Variants in ZFHX3 observed in about 807,000 individuals in gnomAD.
ZFHX3 encodes zinc finger homeobox 3, also known as zinc finger homeobox protein 3.
Under a neutral mutation model 279.1 loss-of-function variants are expected in ZFHX3, and 42 were observed. That is an observed-to-expected ratio of 0.15 (90% CI 0.12 to 0.19). The LOEUF is 0.19. ZFHX3 is among the 10% of genes least tolerant of loss of function. The pLI is 1.00. For synonymous variants in ZFHX3, 2,293 were observed against 1,957.8 expected (o/e 1.17, Z -4.52); for missense variants, 4,981 against 4,754.0 (o/e 1.05, Z -1.40).
intron 7 of ZFHX3, among the ~76,000 whole-genome samples, chr16:73,121,455 C>G (rs1966497983): frequency 1.3e-5 from 2 of 152,090 alleles, no homozygotes; most frequent in Non-Finnish European, 2.9e-5. Context: ...ATGGCTTGTA[C>G]TGTGTTTCTA....
chr16:72,832,734 G>A (rs972247184), intron 4 of ZFHX3, among the ~76,000 whole-genome samples: 1 of 152,012 alleles, frequency 6.6e-6, no homozygotes, highest in African/African-American at 2.4e-5. Flanking sequence ...GGACCTACAG[G>A]TGTCGCCCTC....
intron 2 of ZFHX3, among the ~76,000 whole-genome samples, chr16:73,551,416 C>T (rs570787139): frequency 8.5e-5 from 13 of 152,236 alleles, no homozygotes; most frequent in Admixed American, 6.5e-4. Flanking sequence ...AAGTAAATAT[C>T]TAATTAAAAA....
chr16:72,984,073 T>C (rs969752928), intron 1 of ZFHX3, among the ~76,000 whole-genome samples: 16 of 152,222 alleles, frequency 1.1e-4, no homozygotes, highest in African/African-American at 3.6e-4. Flanking sequence ...TTCTTGCCTA[T>C]ACCTGCTCAC....
intron 5 of ZFHX3, among the ~76,000 whole-genome samples, chr16:73,250,971 T>A (rs1175757305): frequency 6.6e-6 from 1 of 152,200 alleles, no homozygotes; most frequent in Non-Finnish European, 1.5e-5. Context: ...CAGCTCCTGG[T>A]CTCATCTGCA....
At chr16:73,770,977 A>G (rs2054011547) in intron 1 of ZFHX3, among the ~76,000 whole-genome samples, 1 of 152,194 alleles carries the variant, frequency 6.6e-6, no homozygotes, top group African/African-American at 2.4e-5. Flanking sequence ...GGGATTCAGG[A>G]GTCTGGTCTA....
rs1295305298 is a variant in ZFHX3, at chr16:72,811,969, C to T, written c.3599G>A (p.Gly1200Asp). 5 of 1,614,148 alleles carry T rather than the reference C, an allele frequency of 3.1e-6. No individual in the cohort carries two copies. Among genetic ancestry groups the T allele is most frequent in the East Asian group, 2.2e-5 (1 of 44,876 alleles). ...PATSKRISFP[G>D]SSESPLSSKR... ...CGAAGAGAGGGGAGACTCTGAGCTA[C>T]CTGGGAAGGAGATGCGTTTGGAGGT... is the stretch of plus-strand genomic sequence containing the variant. The change falls in exon 6 of 10, where the codon GGT (glycine) becomes GAT (aspartate). Residue 1200 changes from glycine to aspartate, a missense_variant. Gly to Asp is a moderately conservative substitution (Grantham distance 94). Coordinates refer to ENST00000268489, the MANE Select transcript of ZFHX3 (RefSeq NM_006885.4).
intron 2 of ZFHX3, among the ~76,000 whole-genome samples, chr16:73,475,414 A>G (rs2018748558): frequency 6.6e-6 from 1 of 152,308 alleles, no homozygotes; most frequent in South Asian, 2.1e-4. Context: ...TTAGCAGAAC[A>G]ATACTGTTTA....
At chr16:73,087,455 G>A (rs1427472248) in intron 8 of ZFHX3, among the ~76,000 whole-genome samples, 1 of 152,220 alleles carries the variant, frequency 6.6e-6, no homozygotes, top group African/African-American at 2.4e-5. Context: ...CTAGACAACA[G>A]ATATGTTTTC....
chr16:72,933,809 C>CTTTTT (rs1408711216), intron 3 of ZFHX3, among the ~76,000 whole-genome samples: 38 of 114,620 alleles, frequency 3.3e-4, no homozygotes, highest in African/African-American at 1.1e-3. Context: ...TAGCTCACAA[C>CTTTTT]TTTCTTTTTT....
chr16:73,255,079 G>T (rs909416366), intron 5 of ZFHX3, among the ~76,000 whole-genome samples: 1 of 152,210 alleles, frequency 6.6e-6, no homozygotes, highest in Non-Finnish European at 1.5e-5. Flanking sequence ...ATGCAATGAG[G>T]AATCAGGGTG....
At chr16:73,033,193 G>A (rs577286883) in intron 1 of ZFHX3, among the ~76,000 whole-genome samples, 1 of 152,140 alleles carries the variant, frequency 6.6e-6, no homozygotes, top group East Asian at 1.9e-4. Context: ...CCAGTACCCT[G>A]GAGCCCTGCC....
rs143777229 is a variant in ZFHX3 at position 72,788,797 on chromosome 16, G to C, written c.9479C>G (p.Pro3160Arg). 1 of 1,544,036 alleles carries C rather than the reference G, an allele frequency of 6.5e-7. No homozygotes were observed. The highest frequency in any genetic ancestry group is 8.7e-7 in the Non-Finnish European group (1 of 1,148,458). Residue 3160 changes from proline (P) to arginine (R), a missense_variant, in exon 10 of 10, where the codon CCT (proline) becomes CGT (arginine). This residue lies in a region of ZFHX3 where 1,034 missense variants were observed against 786.0 expected (regional missense o/e 1.32). Coordinates refer to ENST00000268489, the MANE Select transcript of ZFHX3 (RefSeq NM_006885.4). ...TCCAGAAGTGGGGAGGCCAGGGGAA[G>C]GAACAGTTGTGCTGGGCAGACCCAT... ...NLMGLPSTTV[P>R]SPGLPTSGLP...
intron 1 of ZFHX3, among the ~76,000 whole-genome samples, chr16:73,044,680 G>A (rs999707494): frequency 2.0e-5 from 3 of 152,158 alleles, no homozygotes; most frequent in African/African-American, 7.2e-5. Context: ...AGAATGCAAT[G>A]GCCCAATCTC....
chr16:73,404,978 G>T (rs556957658), intron 3 of ZFHX3, among the ~76,000 whole-genome samples: 75 of 152,234 alleles, frequency 4.9e-4, no homozygotes, highest in African/African-American at 1.8e-3. Flanking sequence ...ATCATCCTTA[G>T]ACCATTTGCA....
chr16:73,591,895 T>C (rs1290353180), intron 2 of ZFHX3, among the ~76,000 whole-genome samples: 2 of 150,638 alleles, frequency 1.3e-5, no homozygotes, highest in African/African-American at 4.8e-5. Context: ...TAATTATTGT[T>C]AATAATTTTT....
chr16:73,097,632 G>T (rs1966181314), intron 7 of ZFHX3, among the ~76,000 whole-genome samples: 1 of 152,158 alleles, frequency 6.6e-6, no homozygotes, highest in Non-Finnish European at 1.5e-5. Flanking sequence ...CACACTGGCA[G>T]TGTTGTGAGA....
chr16:73,160,918 C>T (rs1967220044), intron 5 of ZFHX3, among the ~76,000 whole-genome samples: 1 of 151,718 alleles, frequency 6.6e-6, no homozygotes, highest in South Asian at 2.1e-4. Flanking sequence ...TGGGTGGTGC[C>T]CTCTCACAGA....
At chr16:73,427,287 A>G (rs374979049) in intron 3 of ZFHX3, among the ~76,000 whole-genome samples, 4 of 152,088 alleles carry the variant, frequency 2.6e-5, no homozygotes, top group African/African-American at 9.7e-5. Flanking sequence ...GTCATGTGTA[A>G]TGAGTGAGAC....
intron 5 of ZFHX3, among the ~76,000 whole-genome samples, chr16:73,237,499 A>C (rs1218548950): frequency 6.7e-6 from 1 of 149,630 alleles, no homozygotes; most frequent in Non-Finnish European, 1.5e-5. Context: ...AAATTGCTGG[A>C]ATTATGGGTG....
Sources: allele counts gnomAD v4.1 joint callset (sites outside exome capture counted in the v4.1 genomes callset), GRCh38; gene constraint gnomAD v4.1.1; regional missense constraint gnomAD v4.1.1; transcripts MANE v1.5; gene names NCBI Gene and HGNC (gene_info 2026-07-23, HGNC 2026-07-21).